The following CRIM1 variants were observed in gnomAD, a reference collection of about 807,000 sequenced individuals.
CRIM1 encodes the protein cysteine rich transmembrane BMP regulator 1.
A neutral mutation model predicts 116.4 loss-of-function variants in CRIM1; 32 were observed. The observed-to-expected ratio is 0.27, with a 90% CI of 0.21 to 0.37. The LOEUF is 0.37. Among genes scored for constraint, CRIM1 ranks in the 10% least tolerant of loss-of-function variants. The pLI is 1.00. For synonymous variants in CRIM1, 590 were observed against 509.2 expected, an observed-to-expected ratio of 1.16 and a Z score of -2.13; for missense variants, 1,331 against 1,354.8, an observed-to-expected ratio of 0.98 and a Z score of 0.28.
At chr2:36,497,157 A>G (rs923875209) in intron 7 of CRIM1, among the ~76,000 whole-genome samples, 2 of 152,214 alleles carry the variant, frequency 1.3e-5, no homozygotes, top group African/African-American at 4.8e-5. Flanking sequence ...TCAGTAAAGA[A>G]TAGAAGATTT....
chr2:36,506,142 C>G (rs1165047853), intron 8 of CRIM1, among the ~76,000 whole-genome samples: 8 of 107,308 alleles, frequency 7.5e-5, no homozygotes, highest in African/African-American at 3.0e-4. Flanking sequence ...TGCACACACA[C>G]ACACACACAC....
chr2:36,420,844 T>A (rs1674000805), intron 2 of CRIM1, among the ~76,000 whole-genome samples: 1 of 152,174 alleles, frequency 6.6e-6, no homozygotes, highest in Non-Finnish European at 1.5e-5. Flanking sequence ...TGAGTCCAGG[T>A]GGCCAAGGGC....
chr2:36,377,204 T>G (rs144559114), intron 1 of CRIM1, among the ~76,000 whole-genome samples: 49 of 152,366 alleles, frequency 3.2e-4, no homozygotes, highest in African/African-American at 1.2e-3. Flanking sequence ...ACTCCAGTGC[T>G]GGCTCTGCCC....
intron 2 of CRIM1, among the ~76,000 whole-genome samples, chr2:36,422,422 G>C (rs1674139085): frequency 6.6e-6 from 1 of 152,106 alleles, no homozygotes; most frequent in Non-Finnish European, 1.5e-5. Context: ...TAATTGAATA[G>C]TTTTAAGTGC....
In CRIM1 at chr2:36,385,608, G is replaced by T. The variant is rs577640369; in HGVS notation, c.332-11006G>T. ...AAGGACCATCAGCAGGAGTCTCCAG[G>T]CCGTATTACTGGAGACGGACCTCAC... On this transcript the variant is annotated intron_variant, in intron 1 of 16. Transcript: ENST00000280527. Among the ~76,000 whole-genome samples, 10 of 152,228 alleles carry T rather than the reference G, an allele frequency of 6.6e-5. No homozygotes were observed. The South Asian group carries it at 1.2e-3, about 19-fold the overall frequency.
chr2:36,547,358 A>C (rs1667427133), intron 16 of CRIM1, among the ~76,000 whole-genome samples, 187 bp downstream of exon 16: 1 of 152,214 alleles, frequency 6.6e-6, no homozygotes, highest in South Asian at 2.1e-4. Context: ...GACTGATCAC[A>C]AGGTGAATTA....
intron 8 of CRIM1, among the ~76,000 whole-genome samples, chr2:36,508,690 A>G (rs1378843669): frequency 6.6e-6 from 1 of 152,184 alleles, no homozygotes; most frequent in Admixed American, 6.5e-5. Context: ...CTTGCTTTAT[A>G]TAATTAAGCA....
At chr2:36,498,012 A>G (rs1387892436) in intron 7 of CRIM1, among the ~76,000 whole-genome samples, 1 of 152,226 alleles carries the variant, frequency 6.6e-6, no homozygotes, top group East Asian at 1.9e-4. Flanking sequence ...TAGATAAGCC[A>G]GTTACCCTCT....
At chr2:36,528,672 T>G (rs2125145059) in intron 13 of CRIM1, among the ~76,000 whole-genome samples, 1 of 152,314 alleles carries the variant, frequency 6.6e-6, no homozygotes, top group East Asian at 1.9e-4. Flanking sequence ...GAGGCCCAGG[T>G]TGTCACAGTT....
Position 36,477,084 on chromosome 2 carries a change from G to T in CRIM1, c.1174+13G>T, listed in dbSNP as rs769318074. 5 of 1,591,344 alleles carry T rather than the reference G, an allele frequency of 3.1e-6. No individual in the cohort carries two copies. Among genetic ancestry groups the T allele is most frequent in the Non-Finnish European group, 4.3e-6 (5 of 1,167,878 alleles). ...CCAGTGTGTGAAGGTAAGAAAAGGT[G>T]CTAATTACAGATTAACAGGAGCATA... On this transcript the variant is annotated intron_variant, in intron 6 of 16. Transcript: ENST00000280527.
intron 1 of CRIM1, among the ~76,000 whole-genome samples, chr2:36,384,857 T>A (rs996922712): frequency 6.6e-6 from 1 of 152,258 alleles, no homozygotes; most frequent in East Asian, 1.9e-4. Flanking sequence ...ACTGTCCACC[T>A]AAACATACAC....
At chr2:36,548,485 A>G in intron 16 of CRIM1, 40 bp from the exon 17 acceptor site, 4 of 1,472,424 alleles carry the variant, frequency 2.7e-6, no homozygotes, top group Non-Finnish European at 3.6e-6. Context: ...ATGTAAAGCA[A>G]CTAATTTTTT....
chr2:36,530,549 T>G (rs1666042262), intron 13 of CRIM1, among the ~76,000 whole-genome samples: 1 of 152,168 alleles, frequency 6.6e-6, no homozygotes, highest in African/African-American at 2.4e-5. Context: ...GAAATGAAAG[T>G]GGTATTTTAT....
At chr2:36,433,538 T>G (rs754287501) in intron 2 of CRIM1, among the ~76,000 whole-genome samples, 22 of 152,186 alleles carry the variant, frequency 1.4e-4, no homozygotes, top group Non-Finnish European at 2.6e-4. Flanking sequence ...ATTCTCTGTT[T>G]GCTTGGAGTA....
chr2:36,438,449 T>TCTC (rs1467089478), intron 2 of CRIM1, among the ~76,000 whole-genome samples: 1 of 152,176 alleles, frequency 6.6e-6, no homozygotes, highest in African/African-American at 2.4e-5. Flanking sequence ...AGATTCGCCT[T>TCTC]CTCCTCCTCA....
At chr2:36,384,850 G>T (rs569706486) in intron 1 of CRIM1, among the ~76,000 whole-genome samples, 2 of 152,240 alleles carry the variant, frequency 1.3e-5, no homozygotes, top group Non-Finnish European at 2.9e-5. Context: ...TAGCACTACT[G>T]TCCACCTAAA....
At chr2:36,367,935 G>A (rs1669702495) in intron 1 of CRIM1, among the ~76,000 whole-genome samples, 1 of 152,110 alleles carries the variant, frequency 6.6e-6, no homozygotes, top group Non-Finnish European at 1.5e-5. Context: ...AAGACTATGA[G>A]GTAGGTAGGT....
chr2:36,379,100 G>T (rs1670538883), intron 1 of CRIM1: 1 of 152,152 alleles, frequency 6.6e-6, no homozygotes, highest in South Asian at 2.1e-4. Context: ...TATTTCTGTT[G>T]TCCATTGTAC....
At chr2:36,400,203 A>G (rs1428976489) in intron 2 of CRIM1, among the ~76,000 whole-genome samples, 1 of 152,180 alleles carries the variant, frequency 6.6e-6, no homozygotes, top group East Asian at 1.9e-4. Flanking sequence ...AGTAGAGGGG[A>G]GGTTCTAGTG....
Sources: gnomAD v4.1 joint callset for allele counts (sites outside exome capture counted in the v4.1 genomes callset) on GRCh38, gnomAD v4.1.1 for gene constraint, MANE v1.5 for transcripts, NCBI Gene and HGNC (gene_info 2026-07-23, HGNC 2026-07-21) for gene names.